LPP: variants seen among roughly 807,000 people sequenced by gnomAD.
LPP encodes the protein lipoma-preferred partner.
Under a neutral mutation model 60.4 loss-of-function variants are expected in LPP, and 38 were observed. The ratio of observed to expected loss-of-function variants is 0.63; its 90% CI spans 0.49 to 0.83. LPP has a LOEUF of 0.83. Among genes scored for constraint, LPP ranks in the 40% least tolerant of loss-of-function variants. LPP has a pLI of 0.00. For synonymous variants in LPP, 328 were observed against 290.8 expected (o/e 1.13, Z -1.30); for missense variants, 902 against 783.6 (o/e 1.15, Z -1.80).
chr3:188,715,270 C>T (rs1192275237), intron 8 of LPP, among the ~76,000 whole-genome samples: 2 of 148,748 alleles, frequency 1.3e-5, no homozygotes, highest in African/African-American at 2.5e-5. Context: ...CCCAGTTACT[C>T]AGGAGGCTGA....
intron 9 of LPP, among the ~76,000 whole-genome samples, chr3:188,763,350 T>C (rs1363619680): frequency 6.6e-6 from 1 of 152,028 alleles, no homozygotes; most frequent in African/African-American, 2.4e-5. Flanking sequence ...AGTTCAGGAA[T>C]GAGACCAGTC....
chr3:188,546,020 T>A (rs1312698806), intron 6 of LPP, among the ~76,000 whole-genome samples: 1 of 152,202 alleles, frequency 6.6e-6, no homozygotes, highest in Non-Finnish European at 1.5e-5. Context: ...ATGTTTTATG[T>A]TGTATTTGTT....
At chr3:188,767,275 A>G (rs1417188524) in intron 9 of LPP, among the ~76,000 whole-genome samples, 2 of 152,192 alleles carry the variant, frequency 1.3e-5, no homozygotes, top group African/African-American at 4.8e-5. Flanking sequence ...GAAAAGTACC[A>G]TTCAGTACAA....
chr3:188,407,715 G>T (rs748103396), intron 4 of LPP, among the ~76,000 whole-genome samples: 16 of 150,614 alleles, frequency 1.1e-4, no homozygotes, highest in Non-Finnish European at 2.1e-4. Flanking sequence ...ATCTGGAAGA[G>T]AATCTCTCTT....
At chr3:188,643,080 G>A (rs994344023) in intron 7 of LPP, among the ~76,000 whole-genome samples, 2 of 152,172 alleles carry the variant, frequency 1.3e-5, no homozygotes, top group African/African-American at 2.4e-5. Context: ...AGGAATGAAT[G>A]AGAGGAAACT....
At chr3:188,556,246 G>A (rs1291193846) in intron 6 of LPP, among the ~76,000 whole-genome samples, 6 of 152,090 alleles carry the variant, frequency 3.9e-5, no homozygotes, top group African/African-American at 1.2e-4. Context: ...GGGCTCTGGA[G>A]TTGCCCTGTC....
chr3:188,536,156 G>A (rs530413651), intron 6 of LPP, among the ~76,000 whole-genome samples: 29 of 152,146 alleles, frequency 1.9e-4, no homozygotes, highest in Non-Finnish European at 3.7e-4. Flanking sequence ...TTACAGGGAT[G>A]TGCCACCACG....
At chr3:188,240,172 A>T (rs73190776) in intron 2 of LPP, 1 of 184,146 alleles carries the variant, frequency 5.4e-6, no homozygotes, top group Non-Finnish European at 1.2e-5. Flanking sequence ...GGTGGGGTTT[A>T]TGTGTAAATG....
intron 9 of LPP, among the ~76,000 whole-genome samples, chr3:188,775,819 T>C (rs1488503572): frequency 1.3e-5 from 2 of 152,022 alleles, no homozygotes; most frequent in Non-Finnish European, 2.9e-5. Flanking sequence ...TAAAAGAAAA[T>C]GAAGAAGATT....
intron 2 of LPP, among the ~76,000 whole-genome samples, chr3:188,235,645 C>T (rs999147338): frequency 6.6e-6 from 1 of 152,198 alleles, no homozygotes; most frequent in South Asian, 2.1e-4. Context: ...CTCTTCTCCA[C>T]TTAGCATTAT....
At chr3:188,521,201 T>G (rs930711887) in intron 5 of LPP, among the ~76,000 whole-genome samples, 1 of 152,188 alleles carries the variant, frequency 6.6e-6, no homozygotes, top group African/African-American at 2.4e-5. Context: ...CACGCTCCCC[T>G]GTTATCCAGT....
intron 7 of LPP, among the ~76,000 whole-genome samples, chr3:188,695,936 C>A (rs1436116472): frequency 1.3e-5 from 2 of 152,170 alleles, no homozygotes; most frequent in Non-Finnish European, 2.9e-5. Flanking sequence ...AATCAAAAGA[C>A]TCCTGCCTAA....
rs190900804 is a variant in LPP at position 188,522,485 on chromosome 3, A to C, written c.307-2180A>C. Among the ~76,000 whole-genome samples, 3 of 152,310 alleles carry C rather than the reference A, an allele frequency of 2.0e-5. No individual in the cohort carries two copies. The East Asian group carries it at 5.8e-4, about 29-fold the overall frequency. ...TGAGAAAGGTTACTGCCTGTGTCAC[A>C]GTCTGTCATTATTCACTGATTTATT... On this transcript the variant is annotated intron_variant, in intron 5 of 11. Transcript: ENST00000617246.
chr3:188,495,328 C>T (rs1044127932), intron 5 of LPP, among the ~76,000 whole-genome samples: 13 of 150,256 alleles, frequency 8.7e-5, no homozygotes, highest in Non-Finnish European at 1.6e-4. Flanking sequence ...AATAAAATAT[C>T]ACTTCTTTGT....
intron 1 of LPP, among the ~76,000 whole-genome samples, chr3:188,162,998 G>A (rs1289412447): frequency 1.3e-5 from 2 of 152,118 alleles, no homozygotes; most frequent in African/African-American, 2.4e-5. Context: ...TAGTGTGCCC[G>A]CAAAAGTGGG....
intron 2 of LPP, among the ~76,000 whole-genome samples, chr3:188,320,363 C>T (rs552012690): frequency 1.6e-4 from 24 of 152,296 alleles, no homozygotes; most frequent in Non-Finnish European, 2.6e-4. Flanking sequence ...GACAATGTTG[C>T]GATTTGCTAC....
intron 6 of LPP, among the ~76,000 whole-genome samples, chr3:188,570,882 C>A (rs568032248): frequency 6.6e-6 from 1 of 151,878 alleles, no homozygotes; most frequent in Non-Finnish European, 1.5e-5. Context: ...TCCTCCTAAG[C>A]AATTTAACCA....
chr3:188,346,463 C>T (rs1764423071), intron 3 of LPP, among the ~76,000 whole-genome samples: 1 of 150,706 alleles, frequency 6.6e-6, no homozygotes, highest in African/African-American at 2.4e-5. Context: ...TGGGGTTTCA[C>T]CATGTTGGTC....
At chr3:188,371,990 TC>T (rs1449165038) in intron 3 of LPP, among the ~76,000 whole-genome samples, 11 of 149,062 alleles carry the variant, frequency 7.4e-5, no homozygotes, top group Admixed American at 7.3e-4. Context: ...CTTTTTCTTT[TC>T]TTTTTTTTTT....
Sources: allele counts gnomAD v4.1 joint callset (sites outside exome capture counted in the v4.1 genomes callset), GRCh38; gene constraint gnomAD v4.1.1; transcripts MANE v1.5; gene names NCBI Gene and HGNC (gene_info 2026-07-23, HGNC 2026-07-21).